The following NFIB variants were observed in gnomAD, a reference collection of about 807,000 sequenced individuals.
The protein encoded by NFIB is nuclear factor 1 B-type.
Under a neutral mutation model 61.5 loss-of-function variants are expected in NFIB, and 11 were observed. The ratio of observed to expected loss-of-function variants is 0.18; its 90% confidence interval spans 0.11 to 0.30. NFIB has a LOEUF of 0.30. Ranked by LOEUF, NFIB falls within the 10% of genes least tolerant of loss-of-function variation. The pLI is 1.00. For synonymous variants in NFIB, 260 were observed against 216.5 expected (o/e 1.20, Z -1.76); for missense variants, 471 against 608.9 (o/e 0.77, Z 2.38).
chr9:14,213,021 T>C (rs917186339), intron 2 of NFIB, among the ~76,000 whole-genome samples: 5 of 152,252 alleles, frequency 3.3e-5, no homozygotes, highest in African/African-American at 1.2e-4. Context: ...ATATAAAATG[T>C]GATAAAATCA....
chr9:14,525,765 A>C, the NFIB span, among the ~76,000 whole-genome samples: 1 of 152,242 alleles, frequency 6.6e-6, no homozygotes, highest in African/African-American at 2.4e-5. Context: ...TCCCACAAAA[A>C]TGTTCATGTG....
intron 1 of NFIB, among the ~76,000 whole-genome samples, chr9:14,372,154 C>G (rs999119095): frequency 1.6e-4 from 24 of 151,772 alleles, no homozygotes; most frequent in African/African-American, 5.8e-4. Flanking sequence ...ATACCCATGG[C>G]TCTTATTGAA....
intron 1 of NFIB, among the ~76,000 whole-genome samples, chr9:14,363,604 T>C (rs1467821961): frequency 7.4e-6 from 1 of 134,754 alleles, no homozygotes; most frequent in African/African-American, 3.2e-5. Context: ...TACATATACA[T>C]ATATATGTGC....
chr9:14,310,904 G>C (rs2132731394), intron 1 of NFIB, among the ~76,000 whole-genome samples: 2 of 152,220 alleles, frequency 1.3e-5, no homozygotes, highest in South Asian at 4.1e-4. Flanking sequence ...CATAGAGGTA[G>C]AAGAGTAAAT....
At chr9:14,373,972 C>T (rs772873623) in intron 1 of NFIB, among the ~76,000 whole-genome samples, 3 of 152,100 alleles carry the variant, frequency 2.0e-5, no homozygotes, top group South Asian at 2.1e-4. Flanking sequence ...AGCAATTATG[C>T]GATGTGATGA....
intron 2 of NFIB, among the ~76,000 whole-genome samples, chr9:14,193,974 A>G (rs1425909342): frequency 6.6e-6 from 1 of 150,746 alleles, no homozygotes; most frequent in African/African-American, 2.4e-5. Context: ...TTGAACCCCC[A>G]CCCCCAAGAT....
chr9:14,484,764 T>G, the NFIB span, among the ~76,000 whole-genome samples: 1 of 152,208 alleles, frequency 6.6e-6, no homozygotes, highest in Admixed American at 6.5e-5. Flanking sequence ...GATTAATGGT[T>G]AATGAGACAG....
chr9:14,321,546 A>C (rs1444620678), intron 1 of NFIB, among the ~76,000 whole-genome samples: 1 of 152,192 alleles, frequency 6.6e-6, no homozygotes, highest in African/African-American at 2.4e-5. Flanking sequence ...TCAAGAGGAG[A>C]GAATGGCCTA....
chr9:14,482,339 A>G, the NFIB span, among the ~76,000 whole-genome samples: 5 of 152,012 alleles, frequency 3.3e-5, no homozygotes, highest in African/African-American at 9.7e-5. Context: ...ACCCATTCTA[A>G]TGGCCCTGGG....
chr9:14,105,110 C>T (rs2036363399), intron 10 of NFIB, among the ~76,000 whole-genome samples: 1 of 151,952 alleles, frequency 6.6e-6, no homozygotes, highest in African/African-American at 2.4e-5. Flanking sequence ...TTTTACGACC[C>T]CCAAAAATGT....
intron 2 of NFIB, among the ~76,000 whole-genome samples, chr9:14,246,077 A>AG (rs1180105709): frequency 2.6e-5 from 4 of 151,256 alleles, no homozygotes; most frequent in Non-Finnish European, 4.4e-5. Flanking sequence ...CTAATTCCTG[A>AG]GAATTAGAGA....
intron 10 of NFIB, among the ~76,000 whole-genome samples, chr9:14,090,866 C>T (rs2033794787): frequency 6.6e-6 from 1 of 151,960 alleles, no homozygotes; most frequent in African/African-American, 2.4e-5. Context: ...AGTCTACCAA[C>T]TAATGGCAGA....
chr9:14,147,608 C>G (rs1174661368), intron 5 of NFIB, among the ~76,000 whole-genome samples: 1 of 148,136 alleles, frequency 6.8e-6, no homozygotes, highest in Non-Finnish European at 1.5e-5. Flanking sequence ...AAGAAGGCCA[C>G]TGCCAAATTC....
intron 3 of NFIB, among the ~76,000 whole-genome samples, chr9:14,160,776 G>A (rs2044074100): frequency 7.1e-6 from 1 of 140,826 alleles, no homozygotes; most frequent in South Asian, 2.3e-4. Context: ...TAGTTTCTCA[G>A]TGGCTATAAA....
At chr9:14,328,342 A>G (rs1390673726) in intron 1 of NFIB, among the ~76,000 whole-genome samples, 1 of 152,064 alleles carries the variant, frequency 6.6e-6, no homozygotes, top group Non-Finnish European at 1.5e-5. Context: ...GATGGGATGT[A>G]ACCATGTTGC....
rs140197543 is a variant in NFIB, at chr9:14,387,794, T to C, written c.108+10730A>G. Among the ~76,000 whole-genome samples, 350 of 152,322 alleles carry C rather than the reference T, an allele frequency of 2.3e-3. 1 individual carries two copies. Among genetic ancestry groups the C allele is most frequent in the African/African-American group, 7.8e-3 (326 of 41,564 alleles). ...TTACTCTACGACACAGGATGGCCACTTCTAGGTTATTTCTTGGGGCAGTAT... is the reference window on the plus strand; with the variant it reads ...TTACTCTACGACACAGGATGGCCACCTCTAGGTTATTTCTTGGGGCAGTAT... On this transcript the variant is annotated intron_variant, in intron 1 of 8. Transcript: ENST00000380934.
intron 1 of NFIB, among the ~76,000 whole-genome samples, chr9:14,385,874 C>T (rs746945722): frequency 6.6e-6 from 1 of 151,844 alleles, no homozygotes; most frequent in Non-Finnish European, 1.5e-5. Flanking sequence ...CCTCCATTTC[C>T]CGGGTTCAAG....
At chr9:14,186,262 T>C (rs2047323628) in intron 2 of NFIB, among the ~76,000 whole-genome samples, 1 of 152,180 alleles carries the variant, frequency 6.6e-6, no homozygotes, top group Non-Finnish European at 1.5e-5. Context: ...AACCTACAGA[T>C]AGCCTCTTGC....
rs1587115998 is a variant in NFIB at position 14,156,324 on chromosome 9, T to G, written c.617-431A>C. On this transcript the variant is annotated intron_variant, in intron 3 of 10. Transcript: ENST00000380953. ...AGATCTCTTAAAGCCACCGTTCTTT[T>G]GTAAACCCTTCTCTGATGAAAGAAA... Among the ~76,000 whole-genome samples, 4 of 152,234 alleles carry G rather than the reference T, an allele frequency of 2.6e-5. No individual in the cohort carries two copies. The South Asian group carries it at 8.3e-4, about 32-fold the overall frequency.
Sources: allele counts gnomAD v4.1 joint callset (sites outside exome capture counted in the v4.1 genomes callset), GRCh38; gene constraint gnomAD v4.1.1; transcripts MANE v1.5; gene names NCBI Gene and HGNC (gene_info 2026-07-23, HGNC 2026-07-21).